Variants in MYO9A observed in about 807,000 individuals in gnomAD.
The protein encoded by MYO9A is unconventional myosin-IXa.
Under a neutral mutation model 293.3 loss-of-function variants are expected in MYO9A, and 103 were observed. The observed-to-expected ratio is 0.35, with a 90% CI of 0.30 to 0.41. The LOEUF (loss-of-function observed/expected upper bound fraction) is 0.41. MYO9A is among the 10% of genes least tolerant of loss of function. The pLI is 1.00. For missense variants in MYO9A, 2,685 were observed against 3,033.0 expected, an observed-to-expected ratio of 0.89 and a Z score of 2.69; for synonymous variants, 1,001 against 1,035.7, an observed-to-expected ratio of 0.97 and a Z score of 0.64.
At position 71,916,620 on chromosome 15, in the gene MYO9A, A is replaced by G. The variant is rs1261400125; in HGVS notation, c.2563-128T>C. ...ATCTTAAATGACTGTAGTGAATATG[A>G]AAGACTGATATCCAACATTCATTCT... On this transcript the variant is annotated intron_variant, in intron 18 of 41. Transcript: ENST00000356056. 7.1e-6 allele frequency: 6 copies of G among 847,886 alleles called. No individual in the cohort carries two copies. In the African/African-American group the frequency reaches 1.0e-4, roughly 15 times the overall value. 52.5% of individuals were successfully genotyped at this position (847,886 alleles called of 1,614,324 possible).
chr15:71,862,676 G>T, intron 32 of MYO9A, 65 bp from the exon 33 acceptor site: 1 of 1,050,058 alleles, frequency 9.5e-7, no homozygotes, highest in Non-Finnish European at 1.5e-6. Context: ...TAACGTGGTG[G>T]GAAATCCTTC....
intron 15 of MYO9A, among the ~76,000 whole-genome samples, chr15:71,947,219 T>C (rs1314664157): frequency 6.7e-6 from 1 of 149,614 alleles, no homozygotes; most frequent in South Asian, 2.1e-4. Flanking sequence ...GAGGTGGAGG[T>C]TGCAGTGAGC....
chr15:71,985,054 G>T (rs1187831784), intron 11 of MYO9A, among the ~76,000 whole-genome samples: 1 of 152,084 alleles, frequency 6.6e-6, no homozygotes, highest in Non-Finnish European at 1.5e-5. Flanking sequence ...TGTATAGCTG[G>T]GATTACAGGC....
chr15:72,077,280 TTAAAAA>T (rs1444720812), intron 1 of MYO9A, among the ~76,000 whole-genome samples: 4 of 152,066 alleles, frequency 2.6e-5, no homozygotes, highest in African/African-American at 9.7e-5. Flanking sequence ...CTGGACTTCA[TTAAAAA>T]TAAAAACTTC....
At chr15:71,968,829 T>C (rs1478008940) in intron 12 of MYO9A, among the ~76,000 whole-genome samples, 3 of 152,124 alleles carry the variant, frequency 2.0e-5, no homozygotes, top group East Asian at 1.9e-4. Flanking sequence ...GAAAATATCA[T>C]TGACAGAAAA....
At chr15:71,888,257 T>G in intron 26 of MYO9A, 141 bp from the exon 27 acceptor site, 1 of 472,898 alleles carries the variant, frequency 2.1e-6, no homozygotes, top group Non-Finnish European at 3.7e-6. Flanking sequence ...ATTGAAATAA[T>G]AGAGCCTACT....
chr15:71,899,556 T>C lies in MYO9A; in HGVS notation c.3470+131A>G. ...AATACAATGTGGGTTAAAATCGGTA[T>C]CACAGTATAGTGGAAAAGACAAATT... On this transcript the variant is annotated intron_variant, in intron 24 of 41. Coordinates refer to ENST00000356056, the MANE Select transcript of MYO9A (RefSeq NM_006901.4). 4 of 759,140 alleles carry C rather than the reference T, an allele frequency of 5.3e-6. No individual in the cohort carries two copies. The South Asian group carries it at 5.8e-5, about 11-fold the overall frequency. The allele number at this position is 759,140 out of a possible 1,614,324, so 47.0% of individuals were successfully genotyped here.
At chr15:71,886,171 T>C (rs1311802388) in intron 27 of MYO9A, among the ~76,000 whole-genome samples, 1 of 144,800 alleles carries the variant, frequency 6.9e-6, no homozygotes, top group Admixed American at 7.2e-5. Flanking sequence ...ATCAGTGGTA[T>C]GTGATTATTA....
intron 14 of MYO9A, among the ~76,000 whole-genome samples, chr15:71,954,212 T>C (rs1003883631): frequency 2.7e-5 from 4 of 150,576 alleles, no homozygotes. Flanking sequence ...CTCTTTTTTC[T>C]TTTTTTAAGA....
intron 6 of MYO9A, among the ~76,000 whole-genome samples, chr15:72,018,550 C>T (rs2077407234): frequency 6.6e-6 from 1 of 151,682 alleles, no homozygotes; most frequent in African/African-American, 2.4e-5. Context: ...ACTCTGGCTA[C>T]TGGGAAAAAA....
chr15:71,851,317 C>T lies in MYO9A; in HGVS notation c.6517G>A (p.Val2173Met). Residue 2173 changes from valine to methionine, a missense_variant, in exon 37 of 42, where the codon GTG (valine) becomes ATG (methionine). Physicochemically the swap from Val to Met is conservative, Grantham distance 21 (BLOSUM62 1). This residue lies in a region of MYO9A where 238 missense variants were observed against 269.1 expected (regional missense o/e 0.88). Transcript: ENST00000356056. ...RKETIRGVYS[V>M]IDQLSRTHLN... ...TGAGTTCGGGAGAGTTGATCAATCA[C>T]AGAGTATACACCACGGATTGTCTCC... 2 of 1,613,956 alleles carry T rather than the reference C, an allele frequency of 1.2e-6. No homozygotes were observed. The highest frequency in any genetic ancestry group is 2.2e-5 in the South Asian group (2 of 91,042).
intron 1 of MYO9A, among the ~76,000 whole-genome samples, chr15:72,058,432 C>A (rs2078782225): frequency 1.3e-5 from 2 of 151,862 alleles, no homozygotes; most frequent in Non-Finnish European, 2.9e-5. Flanking sequence ...CCTTTCAAAT[C>A]AGAAAATCAA....
At chr15:72,026,190 G>A (rs1178224025) in intron 4 of MYO9A, among the ~76,000 whole-genome samples, 9 of 147,774 alleles carry the variant, frequency 6.1e-5, no homozygotes, top group African/African-American at 2.0e-4. Flanking sequence ...GGAGAATGGC[G>A]TGAACCCAGG....
chr15:71,992,786 T>C (rs1199207031), intron 10 of MYO9A, among the ~76,000 whole-genome samples: 2 of 151,374 alleles, frequency 1.3e-5, no homozygotes, highest in South Asian at 2.1e-4. Context: ...TTAGAAAAAG[T>C]CTAAACATAA....
intron 16 of MYO9A, among the ~76,000 whole-genome samples, chr15:71,937,202 T>G (rs2058665796): frequency 6.6e-6 from 1 of 152,036 alleles, no homozygotes; most frequent in African/African-American, 2.4e-5. Context: ...TTATAGAAAT[T>G]GAGTTGATAA....
chr15:71,959,818 T>C, intron 14 of MYO9A, 83 bp downstream of exon 14: 1 of 1,251,868 alleles, frequency 8.0e-7, no homozygotes, highest in Non-Finnish European at 1.1e-6. Flanking sequence ...TAGCAAGAAT[T>C]CTACTCCTTT....
chr15:71,827,343 A>G (rs1051773061), intron 41 of MYO9A, among the ~76,000 whole-genome samples: 18 of 152,198 alleles, frequency 1.2e-4, no homozygotes, highest in African/African-American at 4.3e-4. Flanking sequence ...TCTCCCTGAG[A>G]CATGCCACCC....
Position 71,854,406 on chromosome 15 carries a change from A to C in MYO9A, c.6317T>G (p.Ile2106Ser). 5.6e-6 allele frequency: 9 copies of C among 1,599,836 alleles called. No homozygotes were observed. The highest frequency in any genetic ancestry group is 7.7e-6 in the Non-Finnish European group (9 of 1,174,400). Reference protein sequence around the residue: ...IYRKSGSTNKIKELRQGLDTD... With the variant: ...IYRKSGSTNKSKELRQGLDTD... ...ATCTAGACCCTGCCGAAGCTCCTTG[A>C]TTTTATTAGTCGAACCAGACTTTCG... The change falls in exon 35 of 42, where the codon ATC becomes AGC. Residue 2106 changes from isoleucine (I) to serine (S), a missense_variant. Ile to Ser is a moderately radical substitution (Grantham distance 142, BLOSUM62 -2). Around this residue, in one of 10 missense-constraint regions of MYO9A, gnomAD observed 238 missense variants for 269.1 expected, o/e 0.88. Coordinates refer to ENST00000356056, the MANE Select transcript of MYO9A (RefSeq NM_006901.4).
chr15:71,827,918 A>T lies in MYO9A; in HGVS notation c.7149T>A (p.Asn2383Lys), dbSNP rs1304709551. The T allele has an allele frequency of 1.2e-6, 2 of 1,613,702 alleles. No individual in the cohort carries two copies. The highest frequency in any genetic ancestry group is 1.7e-6 in the Non-Finnish European group (2 of 1,179,800). The change falls in exon 41 of 42, where the codon AAT becomes AAA. Residue 2383 changes from asparagine to lysine, a missense_variant. Around this residue, in one of 10 missense-constraint regions of MYO9A, gnomAD observed 350 missense variants for 328.9 expected, o/e 1.06. Coordinates refer to ENST00000356056, the MANE Select transcript of MYO9A (RefSeq NM_006901.4). ...IGTADSSENL[N>K]MESEYAISEK... Reference sequence around the variant, plus strand: ...CAGAGATAGCATATTCAGACTCCATATTCAAATTCTCTGAGCTATCAGCAG... The same window carrying T: ...CAGAGATAGCATATTCAGACTCCATTTTCAAATTCTCTGAGCTATCAGCAG...
Sources: allele counts gnomAD v4.1 joint callset (sites outside exome capture counted in the v4.1 genomes callset), GRCh38; gene constraint gnomAD v4.1.1; regional missense constraint gnomAD v4.1.1; transcripts MANE v1.5; gene names NCBI Gene and HGNC (gene_info 2026-07-23, HGNC 2026-07-21).